Variants in SLC2A9 observed in about 807,000 individuals in gnomAD.
The protein encoded by SLC2A9 is solute carrier family 2, facilitated glucose transporter member 9.
In SLC2A9, 39 loss-of-function variants were observed where a neutral mutation model predicts 50.6. The ratio of observed to expected loss-of-function variants is 0.77; its 90% CI spans 0.60 to 1.01. The LOEUF (loss-of-function observed/expected upper bound fraction) is 1.01, where lower values mean the gene tolerates loss of function less well. Among genes scored for constraint, SLC2A9 ranks in the 50% least tolerant of loss-of-function variants. The probability of loss-of-function intolerance (pLI) is 0.00; values close to 1 mark genes in which losing one functional copy is unlikely to be tolerated. For synonymous variants in SLC2A9, 324 were observed against 276.9 expected (o/e 1.17, Z -1.69); for missense variants, 686 against 677.6 (o/e 1.01, Z -0.14).
At chr4:9,784,354 C>T (rs1167631567) in intron 3 of SLC2A9, among the ~76,000 whole-genome samples, 1 of 152,142 alleles carries the variant, frequency 6.6e-6, no homozygotes, top group Non-Finnish European at 1.5e-5. Context: ...CAGATGCGAT[C>T]AGTTCATTGA....
At chr4:10,038,750 C>T (rs1302702197) in intron 1 of SLC2A9, among the ~76,000 whole-genome samples, 13 of 152,206 alleles carry the variant, frequency 8.5e-5, no homozygotes, top group South Asian at 4.2e-4. Flanking sequence ...CTTCACATCC[C>T]GGGAGAGCCT....
intron 6 of SLC2A9, among the ~76,000 whole-genome samples, chr4:9,941,531 GAGA>G (rs890562801): frequency 3.3e-5 from 5 of 152,186 alleles, no homozygotes; most frequent in African/African-American, 9.7e-5. Context: ...TCAGTGAAGG[GAGA>G]AGAAGTGGAA....
intron 1 of SLC2A9, among the ~76,000 whole-genome samples, chr4:10,028,478 C>G (rs1578389533): frequency 6.6e-6 from 1 of 152,212 alleles, no homozygotes; most frequent in East Asian, 1.9e-4. Flanking sequence ...GCTGTGTGAG[C>G]TCAGGCGACT....
intron 10 of SLC2A9, among the ~76,000 whole-genome samples, chr4:9,876,582 C>A (rs1226364939): frequency 6.6e-6 from 1 of 151,534 alleles, no homozygotes; most frequent in Non-Finnish European, 1.5e-5. Context: ...CAGAGCGAGA[C>A]CCTATCTCTA....
chr4:10,039,072 A>G (rs939197297), intron 1 of SLC2A9, among the ~76,000 whole-genome samples: 3 of 152,228 alleles, frequency 2.0e-5, no homozygotes, highest in Non-Finnish European at 4.4e-5. Context: ...GAGCTGGCCC[A>G]GTTGGCATGT....
intron 3 of SLC2A9, among the ~76,000 whole-genome samples, chr4:9,792,446 C>G (rs1720064408): frequency 6.6e-6 from 1 of 151,962 alleles, no homozygotes; most frequent in Admixed American, 6.6e-5. Context: ...CCTCAGCCCC[C>G]ACAAAGTGCT....
chr4:9,805,816 CTTA>C (rs1722047664), intron 3 of SLC2A9, among the ~76,000 whole-genome samples: 1 of 151,290 alleles, frequency 6.6e-6, no homozygotes, highest in South Asian at 2.1e-4. Context: ...TTATTGTGTG[CTTA>C]TTAAGTGCTG....
At chr4:9,897,788 G>T (rs933701453) in intron 8 of SLC2A9, among the ~76,000 whole-genome samples, 1 of 152,150 alleles carries the variant, frequency 6.6e-6, no homozygotes, top group Non-Finnish European at 1.5e-5. Context: ...TACACGGGAG[G>T]CTGAGGCAGG....
intron 5 of SLC2A9, among the ~76,000 whole-genome samples, chr4:9,967,172 A>T (rs545528359): frequency 5.3e-5 from 8 of 152,226 alleles, no homozygotes; most frequent in Non-Finnish European, 1.0e-4. Flanking sequence ...TGTTTTTTAA[A>T]ATTCATTATT....
chr4:9,998,971 T>C (rs562171217), intron 2 of SLC2A9, among the ~76,000 whole-genome samples: 36 of 151,460 alleles, frequency 2.4e-4, no homozygotes, highest in East Asian at 1.6e-3. Context: ...GAATTATATA[T>C]AGACGGTAAA....
intron 8 of SLC2A9, among the ~76,000 whole-genome samples, chr4:9,896,889 T>C (rs555168714): frequency 1.3e-5 from 2 of 152,368 alleles, no homozygotes; most frequent in Admixed American, 1.3e-4. Flanking sequence ...TTCTGTTCCA[T>C]TGATCTGTGG....
At chr4:9,988,822 T>C (rs1248229036) in intron 3 of SLC2A9, among the ~76,000 whole-genome samples, 1 of 152,158 alleles carries the variant, frequency 6.6e-6, no homozygotes, top group Non-Finnish European at 1.5e-5. Context: ...TTCAGAAGTG[T>C]CAAAGGGGCT....
chr4:9,896,220 A>C (rs1471701695), intron 8 of SLC2A9, among the ~76,000 whole-genome samples: 1 of 152,232 alleles, frequency 6.6e-6, no homozygotes, highest in African/African-American at 2.4e-5. Context: ...TCCCACCAGC[A>C]GTGGATGAGC....
intron 3 of SLC2A9, among the ~76,000 whole-genome samples, chr4:9,781,448 C>T (rs1402985892): frequency 1.3e-5 from 2 of 152,240 alleles, no homozygotes; most frequent in African/African-American, 2.4e-5. Flanking sequence ...GGAGAATTTT[C>T]CCCGGCCCGG....
chr4:10,029,292 GAATTTCACCAAGCACC>G (rs1269977623), intron 1 of SLC2A9: 6 of 152,222 alleles, frequency 3.9e-5, no homozygotes, highest in African/African-American at 1.4e-4. Context: ...CAGGGCATCT[GAATTTCACCAAGCACC>G]AATCTGCCCT....
At chr4:10,002,111 G>A (rs193293531) in intron 2 of SLC2A9, among the ~76,000 whole-genome samples, 6 of 152,312 alleles carry the variant, frequency 3.9e-5, no homozygotes, top group East Asian at 3.9e-4. Context: ...CTGTGCCAGC[G>A]GTGCAGTCAA....
At chr4:9,923,861 A>T (rs1744396282) in intron 6 of SLC2A9, 1 of 152,230 alleles carries the variant, frequency 6.6e-6, no homozygotes, top group Non-Finnish European at 1.5e-5. Context: ...TCTTTCCTCA[A>T]TCTGGAATGT....
At chr4:9,774,905 C>T (rs1022922148), downstream of SLC2A9, among the ~76,000 whole-genome samples, 19 of 152,118 alleles carry the variant, frequency 1.2e-4, 1 homozygote, top group Admixed American at 1.2e-3. Context: ...AAACCCAAGG[C>T]CCACCACATA....
At chr4:9,792,795 G>A (rs1463547306) in intron 3 of SLC2A9, 7 of 147,904 alleles carry the variant, frequency 4.7e-5, no homozygotes, top group African/African-American at 1.5e-4. Context: ...TACTAACCAG[G>A]TCTGACCGTT....
Sources: allele counts gnomAD v4.1 joint callset (sites outside exome capture counted in the v4.1 genomes callset), GRCh38; gene constraint gnomAD v4.1.1; transcripts MANE v1.5; gene names NCBI Gene and HGNC (gene_info 2026-07-23, HGNC 2026-07-21).